ROBO1: variants seen among roughly 807,000 people sequenced by gnomAD.
ROBO1 encodes the protein roundabout homolog 1.
In ROBO1, 149 loss-of-function variants were observed where a neutral mutation model predicts 195.9. The observed-to-expected ratio is 0.76, with a 90% CI of 0.67 to 0.87. The LOEUF (loss-of-function observed/expected upper bound fraction) is 0.87. Ranked by LOEUF, ROBO1 falls within the 40% of genes least tolerant of loss-of-function variation. The pLI is 0.00. For missense variants in ROBO1, 1,933 were observed against 2,068.3 expected (o/e 0.93, Z 1.27); for synonymous variants, 816 against 733.2 (o/e 1.11, Z -1.82).
chr3:79,679,026 A>G (rs149261692), intron 1 of ROBO1, among the ~76,000 whole-genome samples: 22 of 152,164 alleles, frequency 1.4e-4, no homozygotes, highest in African/African-American at 5.1e-4. Flanking sequence ...AAATATTCTC[A>G]TACAGAATAT....
intron 2 of ROBO1, among the ~76,000 whole-genome samples, chr3:79,239,046 C>T (rs2082464218): frequency 6.6e-6 from 1 of 152,124 alleles, no homozygotes; most frequent in Admixed American, 6.5e-5. Context: ...GGGATCGAGC[C>T]ATTGCACATT....
rs1041909487 is a variant in ROBO1 at position 79,657,140 on chromosome 3, A to C, written c.-50-67179T>G. Among the ~76,000 whole-genome samples, 27 of 152,088 alleles carry C rather than the reference A, an allele frequency of 1.8e-4. 1 individual carries two copies. Among genetic ancestry groups the C allele is most frequent in the Non-Finnish European group, 4.4e-5 (3 of 68,004 alleles). ...GAAGTATTCTCATCTCTGTTATAAA[A>C]CTACCTTATAAACACATAGGAGTAC... is the stretch of plus-strand genomic sequence containing the variant. On this transcript the variant is annotated intron_variant, in intron 1 of 30. Coordinates refer to ENST00000464233, the MANE Select transcript of ROBO1 (RefSeq NM_002941.4).
intron 3 of ROBO1, among the ~76,000 whole-genome samples, chr3:79,074,117 C>A (rs1026455622): frequency 5.3e-5 from 8 of 151,610 alleles, no homozygotes; most frequent in Non-Finnish European, 1.2e-4. Flanking sequence ...AAAATAAACA[C>A]AGAATTATAT....
chr3:78,763,063 C>T (rs1361847772), intron 4 of ROBO1, among the ~76,000 whole-genome samples: 1 of 152,028 alleles, frequency 6.6e-6, no homozygotes, highest in Non-Finnish European at 1.5e-5. Context: ...ATTGACAGCT[C>T]GTACAACCAT....
intron 2 of ROBO1, among the ~76,000 whole-genome samples, chr3:79,510,894 T>G (rs1940669318): frequency 2.0e-5 from 3 of 152,158 alleles, no homozygotes; most frequent in Admixed American, 2.0e-4. Context: ...GAATTAAAAT[T>G]AAATGATGCT....
At chr3:78,968,272 T>A (rs1175110360) in intron 3 of ROBO1, among the ~76,000 whole-genome samples, 1 of 61,928 alleles carries the variant, frequency 1.6e-5, no homozygotes, top group Non-Finnish European at 4.3e-5. Context: ...GTATAGATTC[T>A]TTTTTTTTTT....
intron 2 of ROBO1, among the ~76,000 whole-genome samples, chr3:79,523,559 G>A (rs1012289673): frequency 2.8e-4 from 40 of 142,110 alleles, no homozygotes; most frequent in African/African-American, 8.7e-4. Flanking sequence ...TGCAACCTCC[G>A]CCTCCTGGAT....
At chr3:79,275,738 A>AGAG (rs2030976810) in intron 2 of ROBO1, among the ~76,000 whole-genome samples, 2 of 151,958 alleles carry the variant, frequency 1.3e-5, no homozygotes, top group Non-Finnish European at 2.9e-5. Flanking sequence ...AAACCTAAAG[A>AGAG]CTTCACCAAA....
intron 3 of ROBO1, among the ~76,000 whole-genome samples, chr3:79,022,385 C>G (rs2078120702): frequency 6.6e-6 from 1 of 152,160 alleles, no homozygotes; most frequent in Non-Finnish European, 1.5e-5. Context: ...AGGGTGGAAT[C>G]TGTCTGAAAA....
intron 2 of ROBO1, among the ~76,000 whole-genome samples, chr3:79,346,825 G>A (rs1446817907): frequency 2.6e-5 from 4 of 151,556 alleles, no homozygotes; most frequent in Non-Finnish European, 5.9e-5. Flanking sequence ...AGGATAATAA[G>A]CATATAGATT....
At chr3:79,239,041 C>T (rs147820537) in intron 2 of ROBO1, among the ~76,000 whole-genome samples, 2,356 of 152,258 alleles carry the variant, frequency 0.015, 25 homozygotes, top group Non-Finnish European at 0.025. Context: ...CCTTTGGGAT[C>T]GAGCCATTGC....
intron 3 of ROBO1, among the ~76,000 whole-genome samples, chr3:79,013,479 G>A (rs934598896): frequency 6.6e-6 from 1 of 152,166 alleles, no homozygotes; most frequent in Non-Finnish European, 1.5e-5. Flanking sequence ...ATGACAGGAA[G>A]AATAATGCCT....
chr3:79,659,846 T>G (rs1362491371), intron 1 of ROBO1, among the ~76,000 whole-genome samples: 1 of 151,894 alleles, frequency 6.6e-6, no homozygotes, highest in African/African-American at 2.4e-5. Context: ...GTGATAGGGA[T>G]GAAGTATATG....
intron 2 of ROBO1, among the ~76,000 whole-genome samples, chr3:79,353,413 A>G (rs1257432477): frequency 6.6e-6 from 1 of 151,992 alleles, no homozygotes; most frequent in Non-Finnish European, 1.5e-5. Flanking sequence ...ACACACACAC[A>G]CACACACACA....
At position 78,657,299 on chromosome 3, in the gene ROBO1, TG is replaced by T. The variant is rs752375858; in HGVS notation, c.2443-31del. 8.7e-6 allele frequency: 14 copies of T among 1,609,194 alleles called. No homozygotes were observed. The South Asian group carries it at 1.6e-4, about 18-fold the overall frequency. On this transcript the variant is annotated intron_variant, in intron 17 of 30. Coordinates refer to ENST00000464233, the MANE Select transcript of ROBO1 (RefSeq NM_002941.4). ...AAGAAGCACATCACAAAAATCAAGCTGGTAAATTACCTAAATGAATGCAAAG... is the reference window on the plus strand; with the variant it reads ...AAGAAGCACATCACAAAAATCAAGCTGTAAATTACCTAAATGAATGCAAAG...
chr3:79,367,492 A>T (rs970969518), intron 2 of ROBO1, among the ~76,000 whole-genome samples: 2 of 152,242 alleles, frequency 1.3e-5, no homozygotes, highest in African/African-American at 4.8e-5. Context: ...GGAAGATTAT[A>T]TTCAGATTTC....
intron 2 of ROBO1, among the ~76,000 whole-genome samples, chr3:79,283,677 G>A (rs1446777788): frequency 1.3e-5 from 2 of 151,730 alleles, no homozygotes; most frequent in African/African-American, 2.4e-5. Flanking sequence ...ATATCAATGA[G>A]AGTCCACATT....
intron 4 of ROBO1, among the ~76,000 whole-genome samples, chr3:78,872,436 C>G (rs1371945454): frequency 6.6e-6 from 1 of 152,200 alleles, no homozygotes; most frequent in Non-Finnish European, 1.5e-5. Context: ...ACTTCCCCTG[C>G]TGCAATCTGA....
chr3:79,739,853 A>C (rs1356442651), intron 1 of ROBO1, among the ~76,000 whole-genome samples: 1 of 152,140 alleles, frequency 6.6e-6, no homozygotes, highest in Non-Finnish European at 1.5e-5. Flanking sequence ...TAATAAAATC[A>C]GAAATATTAT....
Sources: allele counts gnomAD v4.1 joint callset (sites outside exome capture counted in the v4.1 genomes callset), GRCh38; gene constraint gnomAD v4.1.1; transcripts MANE v1.5; gene names NCBI Gene and HGNC (gene_info 2026-07-23, HGNC 2026-07-21).